Variants in PRRX2 observed in about 807,000 individuals in gnomAD.
PRRX2 encodes paired related homeobox 2.
In PRRX2, 11 loss-of-function variants were observed where a neutral mutation model predicts 18.0. The ratio of observed to expected loss-of-function variants is 0.61; its 90% CI spans 0.39 to 1.01. The LOEUF is 1.01. Ranked by LOEUF, PRRX2 falls within the 50% of genes least tolerant of loss-of-function variation. The probability of loss-of-function intolerance (pLI) is 0.01; values close to 1 mark genes in which losing one functional copy is unlikely to be tolerated. For missense variants in PRRX2, 387 were observed against 351.0 expected (o/e 1.10, Z -0.82); for synonymous variants, 177 against 154.8 (o/e 1.14, Z -1.06).
rs376557371 is a variant in PRRX2, at chr9:129,677,612, C to T, written c.259+11486C>T. 8.9e-4 allele frequency among the ~76,000 whole-genome samples: 136 copies of T among 152,304 alleles called. 4 individuals are homozygous for T. The South Asian group carries it at 0.025, about 28-fold the overall frequency. On this transcript the variant is annotated intron_variant, in intron 1 of 3. Coordinates refer to ENST00000372469, the MANE Select transcript of PRRX2 (RefSeq NM_016307.4). ...GACACTGGGCCGTGGCATGGTCAGG[C>T]GGGGAGGCTCCAGGCCTTGCTGTGA...
chr9:129,718,004 G>A (rs931403121), intron 1 of PRRX2, among the ~76,000 whole-genome samples: 2 of 152,128 alleles, frequency 1.3e-5, no homozygotes, highest in South Asian at 4.1e-4. Context: ...GAGCCCTAGA[G>A]GATGAAGGGT....
In PRRX2 at chr9:129,665,929, C is replaced by A; in HGVS notation, c.62C>A (p.Pro21Gln). Reference protein sequence around the residue: ...DKPALGPGPPPPPPALGPGDC... With the variant: ...DKPALGPGPPQPPPALGPGDC... The stretch of plus-strand genomic sequence containing the variant: ...CCGGCGCTGGGCCCGGGGCCGCCGC[C>A]GCCTCCACCCGCGCTGGGGCCCGGC... The change falls in exon 1 of 4, where the codon CCG becomes CAG. Residue 21 changes from proline to glutamine, a missense_variant. Coordinates refer to ENST00000372469, the MANE Select transcript of PRRX2 (RefSeq NM_016307.4). The surrounding 1 kb of genome is among the most constrained non-coding windows in gnomAD (Gnocchi z 5.3). 8.9e-7 allele frequency: 1 copy of A among 1,117,818 alleles called. No individual in the cohort carries two copies. The highest frequency in any genetic ancestry group is 1.1e-6 in the Non-Finnish European group (1 of 914,692). The allele number at this position is 1,117,818 out of a possible 1,614,324, so 69.2% of individuals were successfully genotyped here.
At chr9:129,720,091 A>G (rs867542665) in intron 2 of PRRX2, among the ~76,000 whole-genome samples, 1 of 138,656 alleles carries the variant, frequency 7.2e-6, no homozygotes, top group African/African-American at 3.3e-5. Context: ...TTCCAGTTTC[A>G]AGTTCTTAAC....
Position 129,665,916 on chromosome 9 carries a change from C to A in PRRX2, c.49C>A (p.Pro17Thr). 1.8e-6 allele frequency: 2 copies of A among 1,114,332 alleles called. No homozygotes were observed. Among genetic ancestry groups the A allele is most frequent in the Non-Finnish European group, 2.2e-6 (2 of 914,050 alleles). 69.0% of individuals were successfully genotyped at this position (1,114,332 alleles called of 1,614,324 possible). Residue 17 changes from proline (P) to threonine (T), a missense_variant, in exon 1 of 4, where the codon CCG (proline) becomes ACG (threonine). By Grantham distance (38) the Pro-to-Thr change is conservative. Coordinates refer to ENST00000372469, the MANE Select transcript of PRRX2 (RefSeq NM_016307.4). The surrounding 1 kb of genome is among the most constrained non-coding windows in gnomAD (Gnocchi z 5.3). ...AFALDKPALG[P>T]GPPPPPPALG... Reference sequence around the variant, plus strand: ...CGCCCTGGACAAGCCGGCGCTGGGCCCGGGGCCGCCGCCGCCTCCACCCGC... The same window carrying A: ...CGCCCTGGACAAGCCGGCGCTGGGCACGGGGCCGCCGCCGCCTCCACCCGC...
chr9:129,684,506 A>AGAAAAGATAC (rs1832277098), intron 1 of PRRX2, among the ~76,000 whole-genome samples: 1 of 55,028 alleles, frequency 1.8e-5, no homozygotes, highest in Admixed American at 1.6e-4. Flanking sequence ...ACACACACAC[A>AGAAAAGATAC]CACACACACA....
At chr9:129,699,360 G>A (rs1363045790) in intron 1 of PRRX2, among the ~76,000 whole-genome samples, 1 of 152,124 alleles carries the variant, frequency 6.6e-6, no homozygotes, top group Non-Finnish European at 1.5e-5. Context: ...GGAGGTGGAA[G>A]TTGCAGTGAG....
At chr9:129,667,969 A>G (rs1264506296) in intron 1 of PRRX2, among the ~76,000 whole-genome samples, 1 of 152,044 alleles carries the variant, frequency 6.6e-6, no homozygotes, top group Non-Finnish European at 1.5e-5. Flanking sequence ...CATGCTTGGG[A>G]CACACTGGGT....
chr9:129,708,540 G>C (rs1467154326), intron 1 of PRRX2, among the ~76,000 whole-genome samples: 2 of 151,988 alleles, frequency 1.3e-5, no homozygotes, highest in East Asian at 1.9e-4. Flanking sequence ...GAGCTGTAAG[G>C]GTTCTTTATA....
chr9:129,682,267 G>A (rs901831873), intron 1 of PRRX2, among the ~76,000 whole-genome samples: 15 of 152,292 alleles, frequency 9.8e-5, no homozygotes, highest in Admixed American at 1.3e-4. Context: ...TGAGGATGCA[G>A]AGAGATAGGA....
In PRRX2 at chr9:129,719,408, C is replaced by T. The variant is rs1832759489; in HGVS notation, c.437C>T (p.Ala146Val). 2.0e-6 allele frequency: 3 copies of T among 1,535,722 alleles called. No individual in the cohort carries two copies. Among genetic ancestry groups the T allele is most frequent in the East Asian group, 4.9e-5 (2 of 40,738 alleles). Reference protein sequence around the residue: ...ELARRVNLSEARVQVWFQNRR... With the variant: ...ELARRVNLSEVRVQVWFQNRR... ...GCCCGGCGCGTCAACCTCAGCGAGGCGCGCGTTCAGGTGAGCGCTCAGTCC... is the reference window on the plus strand; with the variant it reads ...GCCCGGCGCGTCAACCTCAGCGAGGTGCGCGTTCAGGTGAGCGCTCAGTCC... Residue 146 changes from alanine (A) to valine (V), a missense_variant, in exon 2 of 4, where the codon GCG becomes GTG. Physicochemically the swap from Ala to Val is moderately conservative, Grantham distance 64. Coordinates refer to ENST00000372469, the MANE Select transcript of PRRX2 (RefSeq NM_016307.4).
At chr9:129,698,983 C>T (rs1832463200) in intron 1 of PRRX2, among the ~76,000 whole-genome samples, 1 of 152,224 alleles carries the variant, frequency 6.6e-6, no homozygotes. Context: ...ACTGTCCCTT[C>T]CCTCCCAGGG....
rs888739420 is a variant in PRRX2, at chr9:129,671,595, C to T, written c.259+5469C>T. Among the ~76,000 whole-genome samples the T allele has an allele frequency of 5.3e-5, 8 of 152,232 alleles. No homozygotes were observed. The highest frequency in any genetic ancestry group is 1.0e-4 in the Non-Finnish European group (7 of 68,046). ...GAACCCTGCGAGTCAGTGTTGCCATCTGTGGGATAGGAACAAGGGCTGTGG... is the reference window on the plus strand; with the variant it reads ...GAACCCTGCGAGTCAGTGTTGCCATTTGTGGGATAGGAACAAGGGCTGTGG... On this transcript the variant is annotated intron_variant, in intron 1 of 3. Transcript: ENST00000372469. The surrounding 1 kb of genome is among the most constrained non-coding windows in gnomAD (Gnocchi z 4.0).
intron 1 of PRRX2, among the ~76,000 whole-genome samples, chr9:129,693,012 C>G (rs909965569): frequency 6.6e-6 from 1 of 152,290 alleles, no homozygotes; most frequent in South Asian, 2.1e-4. Context: ...CGCATTCTCG[C>G]CAGCAGTGGA....
chr9:129,702,907 C>A (rs1442439543), intron 1 of PRRX2, among the ~76,000 whole-genome samples: 1 of 152,214 alleles, frequency 6.6e-6, no homozygotes, highest in African/African-American at 2.4e-5. Context: ...CTGAAATCAC[C>A]AGAACAGCTG....
intron 1 of PRRX2, among the ~76,000 whole-genome samples, chr9:129,710,152 AG>A (rs985680445): frequency 6.6e-6 from 1 of 152,116 alleles, no homozygotes; most frequent in African/African-American, 2.4e-5. Context: ...CAAGAGAGGG[AG>A]GAGACGTTGC....
chr9:129,722,491 T>C lies in PRRX2; in HGVS notation c.*139T>C. 1 of 978,658 alleles carries C rather than the reference T, an allele frequency of 1.0e-6. No individual in the cohort carries two copies. The highest frequency in any genetic ancestry group is 3.2e-5 in the East Asian group (1 of 30,772). 60.6% of individuals were successfully genotyped at this position (978,658 alleles called of 1,614,324 possible). A position where few individuals can be genotyped will look rare whatever the true frequency, so the allele number is the denominator to read the frequency against. Reference sequence around the variant, plus strand: ...GCCTGGACTCCCGAGCCCACGAGGCTGTTGAGGCCCCTGCAGCCGGGCCCA... The same window carrying C: ...GCCTGGACTCCCGAGCCCACGAGGCCGTTGAGGCCCCTGCAGCCGGGCCCA... On this transcript the variant is annotated 3_prime_UTR_variant, in exon 4 of 4. Coordinates refer to ENST00000372469, the MANE Select transcript of PRRX2 (RefSeq NM_016307.4).
intron 1 of PRRX2, among the ~76,000 whole-genome samples, chr9:129,699,437 A>ATGTGTGTGTGTG (rs1331347283): frequency 8.6e-5 from 12 of 140,344 alleles, no homozygotes; most frequent in African/African-American, 2.9e-4. Context: ...AAAAATATAT[A>ATGTGTGTGTGTG]TATGTGTGTG....
chr9:129,671,009 A>C lies in PRRX2; in HGVS notation c.259+4883A>C, dbSNP rs1245347699. Among the ~76,000 whole-genome samples the C allele has an allele frequency of 1.3e-5, 2 of 151,574 alleles. No individual in the cohort carries two copies. Among genetic ancestry groups the C allele is most frequent in the Non-Finnish European group, 2.9e-5 (2 of 67,938 alleles). ...TGTGTGACCTTGGGGGTGTCATGTCACCTCTCTGTGCCTCGTTCACCACCT... is the reference window on the plus strand; with the variant it reads ...TGTGTGACCTTGGGGGTGTCATGTCCCCTCTCTGTGCCTCGTTCACCACCT... On this transcript the variant is annotated intron_variant, in intron 1 of 3. Coordinates refer to ENST00000372469, the MANE Select transcript of PRRX2 (RefSeq NM_016307.4). The surrounding 1 kb of genome is among the most constrained non-coding windows in gnomAD (Gnocchi z 4.0).
At position 129,709,241 on chromosome 9, in the gene PRRX2, G is replaced by A. The variant is rs964558682; in HGVS notation, c.260-9990G>A. ...CTCCTGCTGGGTCACTGGCCCCTCC[G>A]CTTTCTTGTGGGTCTGGTGGCCCCA... On this transcript the variant is annotated intron_variant, in intron 1 of 3. Coordinates refer to ENST00000372469, the MANE Select transcript of PRRX2 (RefSeq NM_016307.4). This position sits in a 1 kb window ranked among gnomAD's most constrained non-coding sequence, Gnocchi z 4.2. Among the ~76,000 whole-genome samples, 1 of 152,184 alleles carries A rather than the reference G, an allele frequency of 6.6e-6. No homozygotes were observed.
Sources: gnomAD v4.1 joint callset for allele counts (sites outside exome capture counted in the v4.1 genomes callset) on GRCh38, gnomAD v4.1.1 for gene constraint, Gnocchi (gnomAD v3.1) non-coding constraint, MANE v1.5 for transcripts, NCBI Gene and HGNC (gene_info 2026-07-23, HGNC 2026-07-21) for gene names.